The following UBE2N variants were observed in gnomAD, a reference collection of about 807,000 sequenced individuals.
UBE2N encodes the protein ubiquitin-conjugating enzyme E2 N.
For synonymous variants in UBE2N, 70 were observed against 69.2 expected, an observed-to-expected ratio of 1.01 and a Z score of -0.06; for missense variants, 60 against 192.1, an observed-to-expected ratio of 0.31 and a Z score of 4.07.
chr12:93,413,006 G>A (rs1361979439), intron 1 of UBE2N, among the ~76,000 whole-genome samples: 1 of 152,168 alleles, frequency 6.6e-6, no homozygotes, highest in Non-Finnish European at 1.5e-5. Context: ...AGATGGGGAG[G>A]AAAGTCTTTG....
rs561520253 is a variant in UBE2N, at chr12:93,428,093, A to AT, written c.30+13761dup. 1.8e-4 allele frequency among the ~76,000 whole-genome samples: 27 copies of AT among 151,972 alleles called. No individual in the cohort carries two copies. In the East Asian group the frequency reaches 3.9e-3, roughly 22 times the overall value. On this transcript the variant is annotated intron_variant, in intron 1 of 3. Coordinates refer to ENST00000318066, the MANE Select transcript of UBE2N (RefSeq NM_003348.4). ...GCCACCACACCTGGCTAATTTTTGT[A>AT]TTTTTTTGTAGACATGGGGCTTCTT...
intron 1 of UBE2N, among the ~76,000 whole-genome samples, chr12:93,421,238 G>C (rs1878401534): frequency 6.7e-6 from 1 of 149,582 alleles, no homozygotes; most frequent in South Asian, 2.1e-4. Context: ...TTCTCACTCT[G>C]TCACCCAGGC....
intron 1 of UBE2N, among the ~76,000 whole-genome samples, chr12:93,431,951 C>T (rs1459714133): frequency 1.3e-5 from 2 of 152,096 alleles, no homozygotes; most frequent in African/African-American, 4.8e-5. Flanking sequence ...AACACTTCCT[C>T]GGCTGGGCGC....
chr12:93,413,352 T>C (rs141111793), intron 1 of UBE2N, among the ~76,000 whole-genome samples: 290 of 152,298 alleles, frequency 1.9e-3, no homozygotes, highest in African/African-American at 6.2e-3. Flanking sequence ...GGGGCTCTAT[T>C]CTAGGGCTTC....
intron 1 of UBE2N, among the ~76,000 whole-genome samples, chr12:93,420,867 T>C (rs17251787): frequency 0.026 from 3,907 of 152,018 alleles, 173 homozygotes; most frequent in East Asian, 0.2. Context: ...ACTAAACACA[T>C]CAGGTTGTAT....
At chr12:93,437,029 G>A (rs995975601) in intron 1 of UBE2N, among the ~76,000 whole-genome samples, 2 of 152,134 alleles carry the variant, frequency 1.3e-5, no homozygotes, top group East Asian at 1.9e-4. Context: ...TTGGGAGGCC[G>A]AGGTGGAAGA....
chr12:93,428,673 T>C (rs530192264), intron 1 of UBE2N, among the ~76,000 whole-genome samples: 2 of 152,356 alleles, frequency 1.3e-5, no homozygotes, highest in South Asian at 2.1e-4. Flanking sequence ...AACAAAAATA[T>C]GTTGGGCTGG....
At chr12:93,437,360 TAA>T (rs542940758) in intron 1 of UBE2N, among the ~76,000 whole-genome samples, 7 of 129,676 alleles carry the variant, frequency 5.4e-5, no homozygotes, top group Admixed American at 7.6e-5. Context: ...GTCTGTCTCT[TAA>T]AAAAAAAAAA....
At chr12:93,440,243 T>C (rs746335971) in intron 1 of UBE2N, among the ~76,000 whole-genome samples, 3 of 152,180 alleles carry the variant, frequency 2.0e-5, no homozygotes, top group Non-Finnish European at 2.9e-5. Context: ...GGGGCCTCAA[T>C]AAACATGACC....
At chr12:93,435,869 C>G (rs1189222959) in intron 1 of UBE2N, among the ~76,000 whole-genome samples, 1 of 152,034 alleles carries the variant, frequency 6.6e-6, no homozygotes, top group African/African-American at 2.4e-5. Flanking sequence ...GCACTTCAGC[C>G]TGGGTGACAG....
Position 93,406,830 on chromosome 12 carries a change from C to T in UBE2N, c.*3209G>A, listed in dbSNP as rs562633197. On this transcript the variant is annotated 3_prime_UTR_variant, in exon 4 of 4. Transcript: ENST00000318066. ...TGGATATCCAAAGGAAGTCCTAGAACCAGTTCCCGACAAATACCAAGAGAT... is the reference window on the plus strand; with the variant it reads ...TGGATATCCAAAGGAAGTCCTAGAATCAGTTCCCGACAAATACCAAGAGAT... 66 of 152,306 alleles carry T rather than the reference C, an allele frequency of 4.3e-4. No individual in the cohort carries two copies. Among genetic ancestry groups the T allele is most frequent in the African/African-American group, 1.6e-3 (65 of 41,570 alleles). 9.4% of individuals were successfully genotyped at this position (152,306 alleles called of 1,614,324 possible). A position where few individuals can be genotyped will look rare whatever the true frequency, so the allele number is the denominator to read the frequency against.
intron 1 of UBE2N, 71 bp from the exon 2 acceptor site, chr12:93,411,370 A>T: frequency 6.5e-7 from 1 of 1,530,496 alleles, no homozygotes; most frequent in Non-Finnish European, 8.8e-7. Context: ...AAAATTAGAA[A>T]GTTCATCTCT....
chr12:93,416,069 T>G (rs553104242), intron 1 of UBE2N, among the ~76,000 whole-genome samples: 1 of 152,330 alleles, frequency 6.6e-6, no homozygotes, highest in South Asian at 2.1e-4. Context: ...TTTGAAATAG[T>G]CCTTATAATA....
chr12:93,421,672 G>C (rs949890564), intron 1 of UBE2N, among the ~76,000 whole-genome samples: 1 of 151,848 alleles, frequency 6.6e-6, no homozygotes, highest in Non-Finnish European at 1.5e-5. Context: ...GAAAAGTATA[G>C]TCTTATTAAG....
At chr12:93,437,641 T>C (rs1455362730) in intron 1 of UBE2N, among the ~76,000 whole-genome samples, 1 of 152,052 alleles carries the variant, frequency 6.6e-6, no homozygotes, top group Non-Finnish European at 1.5e-5. Context: ...TACTAAAAAT[T>C]AGCCAGGTGT....
intron 1 of UBE2N, among the ~76,000 whole-genome samples, chr12:93,434,448 C>T (rs1362289564): frequency 6.6e-6 from 1 of 152,168 alleles, no homozygotes. Context: ...TTCACTTGTG[C>T]AGGAGTTGAT....
intron 1 of UBE2N, among the ~76,000 whole-genome samples, chr12:93,441,565 C>T (rs531447591): frequency 1.4e-4 from 22 of 152,082 alleles, no homozygotes; most frequent in Non-Finnish European, 2.5e-4. Context: ...GACCCCCAGC[C>T]TTGCCGCCCC....
chr12:93,430,612 T>TA (rs555941966), intron 1 of UBE2N, among the ~76,000 whole-genome samples: 7 of 151,074 alleles, frequency 4.6e-5, no homozygotes, highest in Admixed American at 6.6e-5. Flanking sequence ...GACTTCTGAT[T>TA]AAAAAAAACC....
chr12:93,411,829 G>A (rs745579353), intron 1 of UBE2N, among the ~76,000 whole-genome samples: 7 of 152,074 alleles, frequency 4.6e-5, no homozygotes, highest in Non-Finnish European at 8.8e-5. Context: ...GAGTAGCTGG[G>A]ATTACAGGTG....
Sources: gnomAD v4.1 joint callset for allele counts (sites outside exome capture counted in the v4.1 genomes callset) on GRCh38, gnomAD v4.1.1 for gene constraint, MANE v1.5 for transcripts, NCBI Gene and HGNC (gene_info 2026-07-23, HGNC 2026-07-21) for gene names.